Variants in GIGYF2 observed in about 807,000 individuals in gnomAD.
The protein encoded by GIGYF2 is GRB10-interacting GYF protein 2.
In GIGYF2, 25 loss-of-function variants were observed where a neutral mutation model predicts 208.1. That is an observed-to-expected ratio of 0.12 (90% CI 0.09 to 0.17). GIGYF2 has a LOEUF of 0.17. GIGYF2 is among the 10% of genes least tolerant of loss of function. The pLI is 1.00. For missense variants in GIGYF2, 1,302 were observed against 1,579.4 expected (o/e 0.82, Z 2.98); for synonymous variants, 534 against 543.8 (o/e 0.98, Z 0.25).
At chr2:232,799,528 T>A (rs1700327059) in intron 14 of GIGYF2, among the ~76,000 whole-genome samples, 1 of 149,330 alleles carries the variant, frequency 6.7e-6, no homozygotes, top group African/African-American at 2.5e-5. Context: ...CCAGCCTGGG[T>A]GACACAGCAA....
At chr2:232,784,382 A>ATT (rs1360964345) in intron 8 of GIGYF2, among the ~76,000 whole-genome samples, 23 of 70,414 alleles carry the variant, frequency 3.3e-4, no homozygotes, top group African/African-American at 9.8e-4. Flanking sequence ...ACACGAAATA[A>ATT]TTTCTTTTTT....
chr2:232,733,850 G>C (rs1289321993), intron 2 of GIGYF2, among the ~76,000 whole-genome samples: 4 of 152,164 alleles, frequency 2.6e-5, no homozygotes, highest in Admixed American at 1.3e-4. Context: ...ACAAGGAAAA[G>C]AAGTGTCTAT....
At chr2:232,819,119 A>G (rs548816324) in intron 20 of GIGYF2, among the ~76,000 whole-genome samples, 1 of 152,114 alleles carries the variant, frequency 6.6e-6, no homozygotes, top group Non-Finnish European at 1.5e-5. Context: ...CTTGTTGCCT[A>G]CTTTTTGGCC....
chr2:232,766,612 A>G (rs908958050), intron 8 of GIGYF2: 1 of 152,346 alleles, frequency 6.6e-6, no homozygotes, highest in Non-Finnish European at 1.5e-5. Context: ...ATGAATGTCT[A>G]AGATTTTCAA....
At chr2:232,794,348 A>G (rs1304058483) in intron 12 of GIGYF2, among the ~76,000 whole-genome samples, 1 of 152,158 alleles carries the variant, frequency 6.6e-6, no homozygotes, top group African/African-American at 2.4e-5. Context: ...AATCATTGAT[A>G]TTTTCAGTAA....
At chr2:232,799,762 A>G (rs1372217735) in intron 14 of GIGYF2, among the ~76,000 whole-genome samples, 1 of 152,152 alleles carries the variant, frequency 6.6e-6, no homozygotes, top group Admixed American at 6.5e-5. Context: ...AAAACAGTCC[A>G]CAAGGGTTTT....
At chr2:232,750,141 C>T (rs1394204695) in intron 5 of GIGYF2, among the ~76,000 whole-genome samples, 1 of 151,738 alleles carries the variant, frequency 6.6e-6, no homozygotes, top group East Asian at 1.9e-4. Context: ...GCTGAGATTG[C>T]ATCACTGCAC....
intron 3 of GIGYF2, chr2:232,735,906 T>C (rs1315442981): frequency 1.0e-6 from 1 of 983,702 alleles, no homozygotes; most frequent in Non-Finnish European, 1.2e-6. Flanking sequence ...ATAATAATAA[T>C]TACTTTTTCT....
chr2:232,764,080 A>G (rs1698851612), intron 8 of GIGYF2, among the ~76,000 whole-genome samples: 1 of 152,210 alleles, frequency 6.6e-6, no homozygotes, highest in Non-Finnish European at 1.5e-5. Context: ...CAAATCATTC[A>G]ATATTGTGAG....
At chr2:232,807,961 C>G (rs574997613) in intron 15 of GIGYF2, among the ~76,000 whole-genome samples, 1 of 152,192 alleles carries the variant, frequency 6.6e-6, no homozygotes, top group East Asian at 1.9e-4. Context: ...TGCCAGGCCT[C>G]GTAGTAGGTT....
At chr2:232,708,487 A>G (rs1457487369) in intron 2 of GIGYF2, among the ~76,000 whole-genome samples, 1 of 152,102 alleles carries the variant, frequency 6.6e-6, no homozygotes, top group African/African-American at 2.4e-5. Context: ...TGAGTACCAT[A>G]TCAATATGTA....
intron 14 of GIGYF2, among the ~76,000 whole-genome samples, chr2:232,802,365 T>C (rs1700424250): frequency 6.6e-6 from 1 of 152,202 alleles, no homozygotes; most frequent in African/African-American, 2.4e-5. Context: ...TTTTTCACTA[T>C]TGAATATGAT....
chr2:232,715,375 A>G (rs775974541), intron 2 of GIGYF2, among the ~76,000 whole-genome samples: 1 of 152,198 alleles, frequency 6.6e-6, no homozygotes, highest in Non-Finnish European at 1.5e-5. Flanking sequence ...TTATCACAAT[A>G]CTGTAAATTA....
chr2:232,728,387 T>G (rs1418996430), intron 2 of GIGYF2, among the ~76,000 whole-genome samples: 1 of 152,218 alleles, frequency 6.6e-6, no homozygotes, highest in Non-Finnish European at 1.5e-5. Context: ...ATAAGAACTT[T>G]TGTTAGAATA....
intron 8 of GIGYF2, among the ~76,000 whole-genome samples, chr2:232,771,967 C>T (rs1699275164): frequency 6.6e-6 from 1 of 151,880 alleles, no homozygotes; most frequent in Non-Finnish European, 1.5e-5. Context: ...TTATAATTAG[C>T]CTATTCAGAG....
At chr2:232,815,992 AG>A (rs1253004735) in intron 19 of GIGYF2, 2 of 459,676 alleles carry the variant, frequency 4.4e-6, no homozygotes, top group Non-Finnish European at 8.0e-6. Flanking sequence ...TATATATTTT[AG>A]GTAACATTAT....
chr2:232,811,919 G>A (rs557657978), intron 17 of GIGYF2, among the ~76,000 whole-genome samples: 1 of 152,256 alleles, frequency 6.6e-6, no homozygotes, highest in Admixed American at 6.5e-5. Context: ...CATGAGGTAG[G>A]CAGTTTAGGT....
intron 8 of GIGYF2, among the ~76,000 whole-genome samples, chr2:232,784,064 A>G (rs1415044942): frequency 6.6e-6 from 1 of 152,224 alleles, no homozygotes; most frequent in East Asian, 1.9e-4. Context: ...AGGATCAAAA[A>G]TTTAGCTCCC....
At chr2:232,721,853 T>A (rs1241605164) in intron 2 of GIGYF2, among the ~76,000 whole-genome samples, 1 of 151,454 alleles carries the variant, frequency 6.6e-6, no homozygotes, top group Non-Finnish European at 1.5e-5. Context: ...CTGATCCATC[T>A]GGTCCTCCCA....
Sources: gnomAD v4.1 joint callset for allele counts (sites outside exome capture counted in the v4.1 genomes callset) on GRCh38, gnomAD v4.1.1 for gene constraint, MANE v1.5 for transcripts, NCBI Gene and HGNC (gene_info 2026-07-23, HGNC 2026-07-21) for gene names.